MYO3B: variants seen among roughly 807,000 people sequenced by gnomAD.
MYO3B encodes the protein myosin IIIB, also known as myosin-IIIb.
MYO3B carries 156 observed loss-of-function variants against 174.6 expected under a neutral mutation model. That is an observed-to-expected ratio of 0.89 (90% CI 0.78 to 1.02). The LOEUF (loss-of-function observed/expected upper bound fraction) is 1.02. Ranked by LOEUF, MYO3B falls within the 50% of genes least tolerant of loss-of-function variation. MYO3B has a pLI of 0.00. For synonymous variants in MYO3B, 563 were observed against 569.1 expected (o/e 0.99, Z 0.15); for missense variants, 1,632 against 1,639.4 (o/e 1.00, Z 0.08).
At chr2:170,619,525 T>C (rs942587353) in intron 32 of MYO3B, among the ~76,000 whole-genome samples, 3 of 152,096 alleles carry the variant, frequency 2.0e-5, no homozygotes, top group African/African-American at 7.2e-5. Flanking sequence ...TGCAGTCTCA[T>C]GTGAAGTCTC....
intron 25 of MYO3B, among the ~76,000 whole-genome samples, chr2:170,475,019 C>T (rs1040382145): frequency 5.9e-5 from 9 of 152,190 alleles, no homozygotes; most frequent in South Asian, 2.1e-4. Context: ...TGTTTAAACA[C>T]GACTTCACAT....
chr2:170,451,257 G>T (rs1328384709), intron 23 of MYO3B, among the ~76,000 whole-genome samples: 1 of 152,218 alleles, frequency 6.6e-6, no homozygotes. Flanking sequence ...ATAAGTAAAT[G>T]ATTTTAATAT....
rs183099553 is a variant in MYO3B, at chr2:170,403,244, C to T, written c.2277+249C>T. Among the ~76,000 whole-genome samples the T allele has an allele frequency of 3.3e-5, 5 of 150,794 alleles. No individual in the cohort carries two copies. The East Asian group carries it at 9.7e-4, about 29-fold the overall frequency. On this transcript the variant is annotated intron_variant, in intron 19 of 34. Coordinates refer to ENST00000408978, the MANE Select transcript of MYO3B (RefSeq NM_138995.5). ...TTTAAATTTTGTGTCAAAACTCTTT[C>T]GTGCATATTGCTCAAAATACTGTAT...
At chr2:170,398,067 C>G (rs1406597096) in intron 16 of MYO3B, among the ~76,000 whole-genome samples, 1 of 151,598 alleles carries the variant, frequency 6.6e-6, no homozygotes, top group Non-Finnish European at 1.5e-5. Context: ...ACTAAAAATA[C>G]AAAAATTTAG....
intron 6 of MYO3B, among the ~76,000 whole-genome samples, chr2:170,221,440 G>A (rs1045882624): frequency 6.6e-6 from 1 of 152,084 alleles, no homozygotes; most frequent in Non-Finnish European, 1.5e-5. Context: ...CTAATGGAAT[G>A]TGACCACAGT....
chr2:170,403,122 G>A (rs1349529767), intron 19 of MYO3B, 127 bp downstream of exon 19: 2 of 870,412 alleles, frequency 2.3e-6, no homozygotes, highest in Non-Finnish European at 3.3e-6. Context: ...GGGTAAGGCA[G>A]TCCTGGCTAA....
At chr2:170,553,409 A>T (rs1691058278) in intron 32 of MYO3B, among the ~76,000 whole-genome samples, 1 of 152,136 alleles carries the variant, frequency 6.6e-6, no homozygotes, top group African/African-American at 2.4e-5. Flanking sequence ...ATTATTTTGA[A>T]CCTTTAAGAT....
chr2:170,393,186 C>T (rs1363223323), intron 16 of MYO3B, among the ~76,000 whole-genome samples: 2 of 151,094 alleles, frequency 1.3e-5, no homozygotes, highest in African/African-American at 2.4e-5. Flanking sequence ...TGGCTTCAAG[C>T]GATTCTCCTG....
Position 170,589,606 on chromosome 2 carries a change from T to C in MYO3B, c.3733+45618T>C, listed in dbSNP as rs1693699588. ...GAAAAAAGCTTATAGAATAAAGATATAAAGAAAATGTTTTTGTACAGCTGC... is the reference window on the plus strand; with the variant it reads ...GAAAAAAGCTTATAGAATAAAGATACAAAGAAAATGTTTTTGTACAGCTGC... On this transcript the variant is annotated intron_variant, in intron 32 of 34. Coordinates refer to ENST00000408978, the MANE Select transcript of MYO3B (RefSeq NM_138995.5). 2.0e-5 allele frequency among the ~76,000 whole-genome samples: 3 copies of C among 152,164 alleles called. No individual in the cohort carries two copies. In the South Asian group the frequency reaches 6.2e-4, roughly 31 times the overall value.
intron 31 of MYO3B, 103 bp downstream of exon 31, chr2:170,543,069 C>A: frequency 1.1e-6 from 1 of 883,696 alleles, no homozygotes; most frequent in Non-Finnish European, 1.7e-6. Context: ...TTGGACCATC[C>A]AAACTTGAAA....
chr2:170,653,305 A>C lies in MYO3B; in HGVS notation c.*184A>C. 2 of 675,724 alleles carry C rather than the reference A, an allele frequency of 3.0e-6. No individual in the cohort carries two copies. Among genetic ancestry groups the C allele is most frequent in the Non-Finnish European group, 4.9e-6 (2 of 406,438 alleles). 41.9% of individuals were successfully genotyped at this position (675,724 alleles called of 1,614,324 possible). ...ATCCTATCCTCTACCACTCTCCCAC[A>C]TGTGTTGTGCAGCCTGAGCTGGGCG... is the stretch of plus-strand genomic sequence containing the variant. On this transcript the variant is annotated 3_prime_UTR_variant, in exon 35 of 35. Coordinates refer to ENST00000408978, the MANE Select transcript of MYO3B (RefSeq NM_138995.5).
intron 8 of MYO3B, among the ~76,000 whole-genome samples, chr2:170,363,021 G>A (rs543190092): frequency 1.3e-5 from 2 of 152,180 alleles, no homozygotes; most frequent in South Asian, 4.2e-4. Flanking sequence ...TTGATTTAGA[G>A]GCCTCTTTGT....
At chr2:170,627,862 G>C (rs546753711) in intron 32 of MYO3B, among the ~76,000 whole-genome samples, 1 of 145,172 alleles carries the variant, frequency 6.9e-6, no homozygotes, top group Admixed American at 6.9e-5. Flanking sequence ...GTGTAGATCA[G>C]CGAATATTGC....
chr2:170,530,716 T>C (rs1256563206), intron 30 of MYO3B, among the ~76,000 whole-genome samples: 1 of 152,218 alleles, frequency 6.6e-6, no homozygotes, highest in African/African-American at 2.4e-5. Flanking sequence ...CCAACTGTGC[T>C]TTTTTCTCCA....
At chr2:170,358,174 A>G (rs2094136909) in intron 8 of MYO3B, among the ~76,000 whole-genome samples, 1 of 152,106 alleles carries the variant, frequency 6.6e-6, no homozygotes, top group Non-Finnish European at 1.5e-5. Flanking sequence ...CAAAAAAACA[A>G]AAGTAGAAAC....
chr2:170,534,620 T>C (rs1689569705), intron 30 of MYO3B, among the ~76,000 whole-genome samples: 1 of 152,110 alleles, frequency 6.6e-6, no homozygotes, highest in African/African-American at 2.4e-5. Flanking sequence ...TAAATTTTTT[T>C]GTAGAAACAA....
chr2:170,489,452 A>G (rs1302715012), intron 25 of MYO3B, among the ~76,000 whole-genome samples: 1 of 152,188 alleles, frequency 6.6e-6, no homozygotes, highest in East Asian at 1.9e-4. Flanking sequence ...GTCAGTGAAC[A>G]AAGAGAAGAG....
chr2:170,400,651 C>G (rs938711882), intron 17 of MYO3B, among the ~76,000 whole-genome samples: 2 of 140,488 alleles, frequency 1.4e-5, no homozygotes, highest in South Asian at 2.3e-4. Context: ...GATCCACCCC[C>G]CCCCCCTCGG....
intron 6 of MYO3B, among the ~76,000 whole-genome samples, chr2:170,220,431 C>T (rs2092883225): frequency 6.6e-6 from 1 of 151,772 alleles, no homozygotes; most frequent in Non-Finnish European, 1.5e-5. Context: ...GAGATCGAGA[C>T]CATCCTGGCT....
Sources: gnomAD v4.1 joint callset for allele counts (sites outside exome capture counted in the v4.1 genomes callset) on GRCh38, gnomAD v4.1.1 for gene constraint, MANE v1.5 for transcripts, NCBI Gene and HGNC (gene_info 2026-07-23, HGNC 2026-07-21) for gene names.